The following RNF187 variants were observed in gnomAD, a reference collection of about 807,000 sequenced individuals.
RNF187 encodes ring finger protein 187, also known as E3 ubiquitin-protein ligase RNF187.
Under a neutral mutation model 22.2 loss-of-function variants are expected in RNF187, and 18 were observed. The observed-to-expected ratio is 0.81, with a 90% CI of 0.56 to 1.20. The LOEUF (loss-of-function observed/expected upper bound fraction) is 1.20. RNF187 is among the 50% of genes most tolerant of loss of function. The pLI is 0.00. For missense variants in RNF187, 329 were observed against 317.6 expected (o/e 1.04, Z -0.27); for synonymous variants, 164 against 140.9 (o/e 1.16, Z -1.16).
chr1:228,495,409 G>C lies in RNF187; in HGVS notation c.*1524G>C. ...CTAAAACTGGATTTCATAAGAAAGGGCAAAGAGGGCCCTAGGAGAAGATTC... is the reference window on the plus strand; with the variant it reads ...CTAAAACTGGATTTCATAAGAAAGGCCAAAGAGGGCCCTAGGAGAAGATTC... On this transcript the variant is annotated 3_prime_UTR_variant, in exon 4 of 4. Transcript: ENST00000305943. 1 of 921,294 alleles carries C rather than the reference G, an allele frequency of 1.1e-6. No individual in the cohort carries two copies. The highest frequency in any genetic ancestry group is 1.3e-6 in the Non-Finnish European group (1 of 771,628). The allele number at this position is 921,294 out of a possible 1,614,324, so 57.1% of individuals were successfully genotyped here.
chr1:228,492,060 AT>A, intron 2 of RNF187, among the ~76,000 whole-genome samples: 2 of 151,042 alleles, frequency 1.3e-5, no homozygotes, highest in Admixed American at 1.3e-4. Flanking sequence ...CTGTTTTTTG[AT>A]TTTTTTTAAA....
At chr1:228,491,182 G>A in intron 2 of RNF187, among the ~76,000 whole-genome samples, 13 of 152,136 alleles carry the variant, frequency 8.5e-5, no homozygotes, top group Admixed American at 3.9e-4. Flanking sequence ...TTGAGGCTAG[G>A]AGTTCGAGAC....
chr1:228,487,957 C>G, intron 1 of RNF187, 79 bp downstream of exon 1: 1 of 913,478 alleles, frequency 1.1e-6, no homozygotes, highest in Non-Finnish European at 1.3e-6. Flanking sequence ...CCCCTGAGCC[C>G]TGGGCCCTTC....
Position 228,494,167 on chromosome 1 carries a change from C to T in RNF187, c.*282C>T. On this transcript the variant is annotated 3_prime_UTR_variant, in exon 4 of 4. Transcript: ENST00000305943. ...ACAGCCCATCCTCCATGAGTCCCGG[C>T]AGCTCTGGGTCATGCCCTTCCCTGG... 1 of 1,399,148 alleles carries T rather than the reference C, an allele frequency of 7.1e-7. No homozygotes were observed. The highest frequency in any genetic ancestry group is 9.3e-7 in the Non-Finnish European group (1 of 1,076,168). 86.7% of individuals were successfully genotyped at this position (1,399,148 alleles called of 1,614,324 possible).
intron 1 of RNF187, chr1:228,488,264 C>G: frequency 6.5e-6 from 1 of 153,118 alleles, no homozygotes; most frequent in Non-Finnish European, 1.5e-5. Flanking sequence ...CCCTCTAGTT[C>G]CTACAGATTG....
chr1:228,494,648 A>T lies in RNF187; in HGVS notation c.*763A>T. ...TGCCATCGTGTCTCATCTTGCTGTT[A>T]TCTCTAGCTCTTTCCCTCCTCCCAT... On this transcript the variant is annotated 3_prime_UTR_variant, in exon 4 of 4. Coordinates refer to ENST00000305943, the MANE Select transcript of RNF187 (RefSeq NM_001010858.3). The T allele has an allele frequency of 1.0e-6, 1 of 985,268 alleles. No homozygotes were observed. The allele number at this position is 985,268 out of a possible 1,614,324, so 61.0% of individuals were successfully genotyped here. A position where few individuals can be genotyped will look rare whatever the true frequency, so the allele number is the denominator to read the frequency against.
chr1:228,493,028 G>A lies in RNF187; in HGVS notation c.484-25G>A. 6.6e-7 allele frequency: 1 copy of A among 1,525,024 alleles called. No individual in the cohort carries two copies. The highest frequency in any genetic ancestry group is 8.8e-7 in the Non-Finnish European group (1 of 1,131,046). 94.5% of individuals were successfully genotyped at this position (1,525,024 alleles called of 1,614,324 possible). ...CTGGGGAGGGTGGGTGAGGACACAG[G>A]TCTTTTCCTGCCACCCGTTTGCAGG... On this transcript the variant is annotated intron_variant, in intron 2 of 3. Coordinates refer to ENST00000305943, the MANE Select transcript of RNF187 (RefSeq NM_001010858.3). This position sits in a 1 kb window ranked among gnomAD's most constrained non-coding sequence, Gnocchi z 4.7.
chr1:228,491,041 A>C, intron 2 of RNF187, among the ~76,000 whole-genome samples: 2 of 152,062 alleles, frequency 1.3e-5, no homozygotes, highest in Non-Finnish European at 2.9e-5. Flanking sequence ...AAAGAACTCT[A>C]TTTCTCCCCT....
chr1:228,487,520 C>T lies in RNF187; in HGVS notation c.32C>T (p.Ala11Val), dbSNP rs1370377280. Residue 11 changes from alanine to valine, a missense_variant, in exon 1 of 4, where the codon GCC (alanine) becomes GTC (valine). By Grantham distance (64) the Ala-to-Val change is moderately conservative (BLOSUM62 0). Coordinates refer to ENST00000305943, the MANE Select transcript of RNF187 (RefSeq NM_001010858.3). The stretch of plus-strand genomic sequence containing the variant: ...CTCCCTGCGGGCCCCGCCGAGGCCG[C>T]CTGCGCCCTGTGCCAGCGCGCGCCC... The T allele has an allele frequency of 8.4e-7, 1 of 1,184,214 alleles. No individual in the cohort carries two copies. Among genetic ancestry groups the T allele is most frequent in the Non-Finnish European group, 1.0e-6 (1 of 957,596 alleles). 73.4% of individuals were successfully genotyped at this position (1,184,214 alleles called of 1,614,324 possible). A position where few individuals can be genotyped will look rare whatever the true frequency, so the allele number is the denominator to read the frequency against.
chr1:228,487,541 C>T lies in RNF187; in HGVS notation c.53C>T (p.Ala18Val). Residue 18 changes from alanine to valine, a missense_variant, in exon 1 of 4, where the codon GCG becomes GTG. Physicochemically the swap from Ala to Val is moderately conservative, Grantham distance 64 (BLOSUM62 0). Transcript: ENST00000305943. The stretch of plus-strand genomic sequence containing the variant: ...GCCGCCTGCGCCCTGTGCCAGCGCG[C>T]GCCCCGGGAACCGGTGCGCGCCGAC... 2 of 1,219,410 alleles carry T rather than the reference C, an allele frequency of 1.6e-6. No individual in the cohort carries two copies. The highest frequency in any genetic ancestry group is 1.0e-6 in the Non-Finnish European group (1 of 973,178). 75.5% of individuals were successfully genotyped at this position (1,219,410 alleles called of 1,614,324 possible).
chr1:228,489,184 G>T, intron 2 of RNF187, 132 bp downstream of exon 2: 3 of 641,622 alleles, frequency 4.7e-6, no homozygotes, highest in Non-Finnish European at 8.0e-6. Context: ...GGGGCCTCTG[G>T]ACTTAAGTGA....
chr1:228,495,337 C>G lies in RNF187; in HGVS notation c.*1452C>G. 16 of 344,170 alleles carry G rather than the reference C, an allele frequency of 4.6e-5. No homozygotes were observed. The highest frequency in any genetic ancestry group is 3.6e-4 in the African/African-American group (16 of 44,790). The allele number at this position is 344,170 out of a possible 1,614,324, so 21.3% of individuals were successfully genotyped here. On this transcript the variant is annotated 3_prime_UTR_variant, in exon 4 of 4. Transcript: ENST00000305943. ...GGTCAGAGAGGAACCCAGTCAGGTA[C>G]CATTGAGGGTGGTCAGATATTATGG...
In RNF187 at chr1:228,493,273, A is replaced by G. The variant is rs1659012470; in HGVS notation, c.704A>G (p.Gln235Arg). Reference sequence around the variant, plus strand: ...AACCTGGGCCTCAGCATGCTGCTGCAGGTGCGGGAGCCCCGCTGGGTCTGC... The same window carrying G: ...AACCTGGGCCTCAGCATGCTGCTGCGGGTGCGGGAGCCCCGCTGGGTCTGC... The change falls in exon 3 of 4, where the codon CAG (glutamine) becomes CGG (arginine). Residue 235 changes from glutamine (Q) to arginine (R), a missense_variant and splice_region_variant. By Grantham distance (43) the Gln-to-Arg change is conservative (BLOSUM62 1). Transcript: ENST00000305943. This position sits in a 1 kb window ranked among gnomAD's most constrained non-coding sequence, Gnocchi z 4.7. 6.5e-7 allele frequency: 1 copy of G among 1,549,004 alleles called. No individual in the cohort carries two copies. Among genetic ancestry groups the G allele is most frequent in the Admixed American group, 2.0e-5 (1 of 50,972 alleles).
At position 228,493,453 on chromosome 1, in the gene RNF187, G is replaced by A; in HGVS notation, c.705+179G>A. ...GGGTGGTCAGGGAAGGTGATGGGAA[G>A]GGGTTTTAAGTTGAGGAGGGTCTGA... On this transcript the variant is annotated intron_variant, in intron 3 of 3. Transcript: ENST00000305943. The surrounding 1 kb of genome is among the most constrained non-coding windows in gnomAD (Gnocchi z 4.7). Among the ~76,000 whole-genome samples the A allele has an allele frequency of 2.0e-5, 3 of 152,270 alleles. No individual in the cohort carries two copies. Among genetic ancestry groups the A allele is most frequent in the Admixed American group, 6.5e-5 (1 of 15,292 alleles).
chr1:228,492,908 C>A, intron 2 of RNF187, 145 bp from the exon 3 acceptor site: 1 of 877,184 alleles, frequency 1.1e-6, no homozygotes, highest in South Asian at 1.9e-5. Flanking sequence ...CAAGCGTGAG[C>A]CACTGTGCCT....
At chr1:228,487,915 G>A in intron 1 of RNF187, 37 bp downstream of exon 1, 2 of 1,151,270 alleles carry the variant, frequency 1.7e-6, no homozygotes, top group South Asian at 6.2e-5. Context: ...ACCCCGGACG[G>A]TGCCCTGCGC....
At position 228,493,465 on chromosome 1, in the gene RNF187, TGAG is replaced by T; in HGVS notation, c.705+196_705+198del. Among the ~76,000 whole-genome samples, 15 of 152,316 alleles carry T rather than the reference TGAG, an allele frequency of 9.8e-5. 1 individual carries two copies. The East Asian group carries it at 2.9e-3, about 29-fold the overall frequency. On this transcript the variant is annotated intron_variant, in intron 3 of 3. Transcript: ENST00000305943. The surrounding 1 kb of genome is among the most constrained non-coding windows in gnomAD (Gnocchi z 4.7). Reference sequence around the variant, plus strand: ...AAGGTGATGGGAAGGGGTTTTAAGTTGAGGAGGGTCTGAGGTGTCCCTGACCTT... The same window carrying T: ...AAGGTGATGGGAAGGGGTTTTAAGTTGAGGGTCTGAGGTGTCCCTGACCTT...
In RNF187 at chr1:228,487,647, C is replaced by T. The variant is rs1260042017; in HGVS notation, c.159C>T (p.Ala53=). ...GGCCCTTCCCGTGCCCCGAGTGCGC[C>T]GACGACTGCTGGCAGCGCGCCGTGG... Residue 53 remains alanine (A), a synonymous_variant, in exon 1 of 4, where the codon GCC becomes GCT. Coordinates refer to ENST00000305943, the MANE Select transcript of RNF187 (RefSeq NM_001010858.3). 4.2e-6 allele frequency: 5 copies of T among 1,176,794 alleles called. No individual in the cohort carries two copies. Among genetic ancestry groups the T allele is most frequent in the Admixed American group, 7.3e-5 (2 of 27,540 alleles). 72.9% of individuals were successfully genotyped at this position (1,176,794 alleles called of 1,614,324 possible).
Position 228,493,785 on chromosome 1 carries a change from C to A in RNF187, c.706-98C>A. 7.7e-7 allele frequency: 1 copy of A among 1,296,316 alleles called. No homozygotes were observed. Among genetic ancestry groups the A allele is most frequent in the Non-Finnish European group, 1.1e-6 (1 of 915,708 alleles). 80.3% of individuals were successfully genotyped at this position (1,296,316 alleles called of 1,614,324 possible). A position where few individuals can be genotyped will look rare whatever the true frequency, so the allele number is the denominator to read the frequency against. ...AGTACCTCATGCGCTGTCTCATGTG[C>A]GCTCTCTCTTTCGCTCTCTCCTTTT... is the stretch of plus-strand genomic sequence containing the variant. On this transcript the variant is annotated intron_variant, in intron 3 of 3. Coordinates refer to ENST00000305943, the MANE Select transcript of RNF187 (RefSeq NM_001010858.3). The surrounding 1 kb of genome is among the most constrained non-coding windows in gnomAD (Gnocchi z 4.7).
Sources: allele counts gnomAD v4.1 joint callset (sites outside exome capture counted in the v4.1 genomes callset), GRCh38; gene constraint gnomAD v4.1.1; non-coding constraint Gnocchi (gnomAD v3.1); transcripts MANE v1.5; gene names NCBI Gene and HGNC (gene_info 2026-07-23, HGNC 2026-07-21).